The following CCDC74A variants were observed in gnomAD, a reference collection of about 807,000 sequenced individuals.
The protein encoded by CCDC74A is coiled-coil domain-containing protein 74A.
Under a neutral mutation model 37.6 loss-of-function variants are expected in CCDC74A, and 38 were observed. The observed-to-expected ratio is 1.01, with a 90% CI of 0.78 to 1.33. The LOEUF (loss-of-function observed/expected upper bound fraction) is 1.33, where lower values mean the gene tolerates loss of function less well. CCDC74A is among the 40% of genes most tolerant of loss of function. The probability of loss-of-function intolerance (pLI) is 0.00; values close to 1 mark genes in which losing one functional copy is unlikely to be tolerated. For synonymous variants in CCDC74A, 134 were observed against 165.2 expected (o/e 0.81, Z 1.45); for missense variants, 340 against 403.4 (o/e 0.84, Z 1.35).
chr2:131,532,870 C>T lies in CCDC74A; in HGVS notation c.685C>T (p.His229Tyr). ...TNLLQTQELR[H>Y]LKSLLEGSQR... ...CCCTGCCCCTGCCTTTCAGCTGCGGCACCTCAAGTCCCTCCTGGAAGGGAG... is the reference window on the plus strand; with the variant it reads ...CCCTGCCCCTGCCTTTCAGCTGCGGTACCTCAAGTCCCTCCTGGAAGGGAG... The change falls in exon 6 of 8, where the codon CAC (histidine) becomes TAC (tyrosine). Residue 229 changes from histidine (H) to tyrosine (Y), a missense_variant. This residue lies in a region of CCDC74A where 185 missense variants were observed against 231.5 expected (regional missense o/e 0.80). Transcript: ENST00000409856. The T allele has an allele frequency of 6.2e-7, 1 of 1,613,408 alleles. No homozygotes were observed. The highest frequency in any genetic ancestry group is 8.5e-7 in the Non-Finnish European group (1 of 1,179,658).
chr2:131,533,203 G>C (rs1573558944), intron 7 of CCDC74A, 66 bp from the exon 8 acceptor site: 30 of 1,608,178 alleles, frequency 1.9e-5, no homozygotes, highest in Admixed American at 5.0e-5. Context: ...GGGCCATGCA[G>C]GCCGCACTCC....
At chr2:131,523,434 C>T (rs1680193892), upstream of CCDC74A, among the ~76,000 whole-genome samples, 1 of 152,080 alleles carries the variant, frequency 6.6e-6, no homozygotes, top group Non-Finnish European at 1.5e-5. Flanking sequence ...TTGAGACCAG[C>T]CTGGCCAACA....
In CCDC74A at chr2:131,533,408, A is replaced by T; in HGVS notation, c.*10A>T. ...TCGCTCAGTGCTTTGAGCCACCCCA[A>T]TCTGGTCAGTGCCAGGCCCACCAAC... On this transcript the variant is annotated 3_prime_UTR_variant, in exon 8 of 8. Coordinates refer to ENST00000409856, the MANE Select transcript of CCDC74A (RefSeq NM_001258306.3). 1 of 1,613,204 alleles carries T rather than the reference A, an allele frequency of 6.2e-7. No homozygotes were observed. Among genetic ancestry groups the T allele is most frequent in the Middle Eastern group, 1.7e-4 (1 of 5,870 alleles).
chr2:131,528,658 A>C, intron 1 of CCDC74A: 1 of 516,648 alleles, frequency 1.9e-6, no homozygotes, highest in Non-Finnish European at 3.5e-6. Flanking sequence ...AAAATACAAA[A>C]CAATTAGCTA....
chr2:131,532,880 C>T lies in CCDC74A; in HGVS notation c.695C>T (p.Ser232Phe). The T allele has an allele frequency of 6.2e-6, 10 of 1,613,510 alleles. No individual in the cohort carries two copies. Among genetic ancestry groups the T allele is most frequent in the Non-Finnish European group, 8.5e-6 (10 of 1,179,666 alleles). Residue 232 changes from serine (S) to phenylalanine (F), a missense_variant, in exon 6 of 8, where the codon TCC becomes TTC. Coordinates refer to ENST00000409856, the MANE Select transcript of CCDC74A (RefSeq NM_001258306.3). The part of the protein sequence containing the change: ...LQTQELRHLK[S>F]LLEGSQRPQA... ...GCCTTTCAGCTGCGGCACCTCAAGT[C>T]CCTCCTGGAAGGGAGCCAGAGGCCC...
chr2:131,532,798 T>G lies in CCDC74A; in HGVS notation c.678+17T>G. 1.9e-6 allele frequency: 3 copies of G among 1,612,768 alleles called. No homozygotes were observed. The highest frequency in any genetic ancestry group is 1.7e-6 in the Non-Finnish European group (2 of 1,179,534). On this transcript the variant is annotated intron_variant, in intron 5 of 7. Coordinates refer to ENST00000409856, the MANE Select transcript of CCDC74A (RefSeq NM_001258306.3). ...ACCCAAGAGGTGAGGCCCTGGGTGG[T>G]GGGGGTGGCCCTGGGCAGTCTGGCA...
chr2:131,532,949 G>T lies in CCDC74A; in HGVS notation c.752+12G>T, dbSNP rs1681617721. ...GCTAGCTTTCCCAGGTGAGTGCCTG[G>T]TGCACCCCTGCCCCATCCCTGGGGT... On this transcript the variant is annotated intron_variant, in intron 6 of 7. Coordinates refer to ENST00000409856, the MANE Select transcript of CCDC74A (RefSeq NM_001258306.3). 8 of 1,613,892 alleles carry T rather than the reference G, an allele frequency of 5.0e-6. No homozygotes were observed. Among genetic ancestry groups the T allele is most frequent in the Non-Finnish European group, 6.8e-6 (8 of 1,179,862 alleles).
chr2:131,529,888 G>A, intron 2 of CCDC74A, 197 bp downstream of exon 2: 7 of 1,496,260 alleles, frequency 4.7e-6, no homozygotes, highest in South Asian at 4.0e-5. Context: ...AGCACGTGCT[G>A]CTCTCGGGAA....
intron 2 of CCDC74A, chr2:131,530,136 C>T (rs1399731348): frequency 8.4e-6 from 13 of 1,549,838 alleles, no homozygotes. Flanking sequence ...CCCTTCCTGC[C>T]ATCTGGGCAG....
Position 131,533,490 on chromosome 2 carries a change from C to G in CCDC74A, c.*92C>G, listed in dbSNP as rs1681761964. 1.9e-6 allele frequency: 3 copies of G among 1,542,858 alleles called. No individual in the cohort carries two copies. Among genetic ancestry groups the G allele is most frequent in the Non-Finnish European group, 8.8e-7 (1 of 1,137,930 alleles). ...TCCTGATACTTCCGCTACTTTTAGG[C>G]CTGGCTAAATTCCAAGACAGATAAC... On this transcript the variant is annotated 3_prime_UTR_variant, in exon 8 of 8. Coordinates refer to ENST00000409856, the MANE Select transcript of CCDC74A (RefSeq NM_001258306.3).
At chr2:131,523,135 G>T (rs988647253), upstream of CCDC74A, among the ~76,000 whole-genome samples, 28 of 152,250 alleles carry the variant, frequency 1.8e-4, no homozygotes, top group African/African-American at 5.5e-4. Flanking sequence ...GAACTCCTGG[G>T]CTTAAGTGAT....
upstream of CCDC74A, among the ~76,000 whole-genome samples, chr2:131,523,934 G>T (rs116579108): frequency 0.013 from 1,936 of 152,010 alleles, 49 homozygotes; most frequent in African/African-American, 0.044. Flanking sequence ...TGGGAAAGGG[G>T]CTAGTCTAGA....
chr2:131,530,361 T>C (rs1193430525), intron 2 of CCDC74A: 4 of 1,547,126 alleles, frequency 2.6e-6, no homozygotes, highest in Admixed American at 3.9e-5. Flanking sequence ...GGGCAGTGCC[T>C]AGGGCTCTCC....
chr2:131,533,222 T>C, intron 7 of CCDC74A, 47 bp from the exon 8 acceptor site: 1 of 1,610,544 alleles, frequency 6.2e-7, no homozygotes, highest in Non-Finnish European at 8.5e-7. Context: ...CCCCACACAC[T>C]CCACTCCCGG....
upstream of CCDC74A, among the ~76,000 whole-genome samples, chr2:131,526,133 T>C (rs1350454942): frequency 1.4e-5 from 2 of 147,870 alleles, no homozygotes; most frequent in Admixed American, 1.4e-4. Context: ...CGCATTTTCT[T>C]TTCTTTTTTT....
At position 131,532,619 on chromosome 2, in the gene CCDC74A, A is replaced by G. The variant is rs1366243050; in HGVS notation, c.516A>G (p.Gly172=). ...RKEKAEASNA[G]AACMGNSQHQ... ...AGAAAGCAGAGGCCTCTAATGCAGG[A>G]GCTGCCTGTATGGGGAACAGCCAGC... The change falls in exon 5 of 8, where the codon GGA becomes GGG. Residue 172 remains glycine, a synonymous_variant. Transcript: ENST00000409856. 1 of 1,604,478 alleles carries G rather than the reference A, an allele frequency of 6.2e-7. No homozygotes were observed. Among genetic ancestry groups the G allele is most frequent in the Non-Finnish European group, 8.5e-7 (1 of 1,175,670 alleles).
At chr2:131,527,333 A>G (rs991894787), upstream of CCDC74A, among the ~76,000 whole-genome samples, 5 of 151,924 alleles carry the variant, frequency 3.3e-5, no homozygotes, top group South Asian at 2.1e-4. Context: ...TGGTGCCATC[A>G]TAGCTCACTG....
In CCDC74A at chr2:131,528,087, G is replaced by A. The variant is rs781771163; in HGVS notation, c.117G>A (p.Pro39=). Residue 39 remains proline, a synonymous_variant, in exon 1 of 8, where the codon CCG becomes CCA. Coordinates refer to ENST00000409856, the MANE Select transcript of CCDC74A (RefSeq NM_001258306.3). The part of the protein sequence containing the change: ...VGVQSLRPQS[P]QLRQSDPQKR... ...TCCAGTCCTTGAGGCCGCAGAGCCC[G>A]CAGCTCAGGCAGAGCGACCCGCAGA... 6 of 1,612,696 alleles carry A rather than the reference G, an allele frequency of 3.7e-6. No individual in the cohort carries two copies. The highest frequency in any genetic ancestry group is 3.3e-5 in the Admixed American group (2 of 59,958).
chr2:131,531,577 A>C, intron 3 of CCDC74A, 87 bp from the exon 4 acceptor site: 2 of 1,401,392 alleles, frequency 1.4e-6, no homozygotes, highest in South Asian at 2.8e-5. Context: ...TTGGGTACAC[A>C]CAGCTGTTCC....
Sources: allele counts gnomAD v4.1 joint callset (sites outside exome capture counted in the v4.1 genomes callset), GRCh38; gene constraint gnomAD v4.1.1; regional missense constraint gnomAD v4.1.1; transcripts MANE v1.5; gene names NCBI Gene and HGNC (gene_info 2026-07-23, HGNC 2026-07-21).